Variants in SMARCB1 observed in about 807,000 individuals in gnomAD.
SMARCB1 encodes SWI/SNF related BAF chromatin remodeling complex subunit B1, also known as SWI/SNF-related matrix-associated actin-dependent regulator of chromatin subfamily B member 1.
Under a neutral mutation model 49.0 loss-of-function variants are expected in SMARCB1, and 5 were observed. The ratio of observed to expected loss-of-function variants is 0.10; its 90% CI spans 0.05 to 0.21. The LOEUF is 0.21. Among genes scored for constraint, SMARCB1 ranks in the 10% least tolerant of loss-of-function variants. SMARCB1 has a pLI of 1.00. For missense variants in SMARCB1, 226 were observed against 509.2 expected, an observed-to-expected ratio of 0.44 and a Z score of 5.35; for synonymous variants, 201 against 200.1, an observed-to-expected ratio of 1.00 and a Z score of -0.04.
rs571474765 is a variant in SMARCB1, at chr22:23,787,070, C to T, written c.-100C>T. On this transcript the variant is annotated 5_prime_UTR_variant, in exon 1 of 9. Transcript: ENST00000644036. Reference sequence around the variant, plus strand: ...GTACCCGGCCCGGTCCGCATTTCGCCTTCCGGCTTCGGTTTCCCTCGGCCC... The same window carrying T: ...GTACCCGGCCCGGTCCGCATTTCGCTTTCCGGCTTCGGTTTCCCTCGGCCC... 1.5e-5 allele frequency: 12 copies of T among 786,986 alleles called. No homozygotes were observed. In the East Asian group the frequency reaches 3.5e-4, roughly 23 times the overall value. 48.8% of individuals were successfully genotyped at this position (786,986 alleles called of 1,614,324 possible).
chr22:23,835,589 T>G lies in SMARCB1; in HGVS notation c.*1409T>G, dbSNP rs969128623. ...AGGGCCTCTGCCCTCCATCAAAGAG[T>G]GGAACTCCCCAGAGCCCCATGCACA... On this transcript the variant is annotated 3_prime_UTR_variant, in exon 9 of 9. Coordinates refer to ENST00000644036, the MANE Select transcript of SMARCB1 (RefSeq NM_003073.5). The G allele has an allele frequency of 4.4e-5, 43 of 985,254 alleles. No individual in the cohort carries two copies. In the African/African-American group the frequency reaches 7.0e-4, roughly 16 times the overall value. 61.0% of individuals were successfully genotyped at this position (985,254 alleles called of 1,614,324 possible).
In SMARCB1 at chr22:23,836,284, T is replaced by C. The variant is rs2031039352; in HGVS notation, c.*2104T>C. On this transcript the variant is annotated 3_prime_UTR_variant, in exon 9 of 9. Transcript: ENST00000644036. ...GGCTTTGGCATCACCAGATGAAAAA[T>C]GAGGCATACGCCCACCTGTCAGGGT... The C allele has an allele frequency of 1.0e-6, 1 of 985,242 alleles. No homozygotes were observed. The highest frequency in any genetic ancestry group is 1.2e-6 in the Non-Finnish European group (1 of 829,940). 61.0% of individuals were successfully genotyped at this position (985,242 alleles called of 1,614,324 possible).
intron 5 of SMARCB1, among the ~76,000 whole-genome samples, chr22:23,805,183 G>C (rs575996366): frequency 6.6e-6 from 1 of 152,182 alleles, no homozygotes; most frequent in Non-Finnish European, 1.5e-5. Flanking sequence ...GCCATGTGCC[G>C]GGTGCTTGTC....
At position 23,836,027 on chromosome 22, in the gene SMARCB1, A is replaced by G. The variant is rs531304611; in HGVS notation, c.*1847A>G. On this transcript the variant is annotated 3_prime_UTR_variant, in exon 9 of 9. Coordinates refer to ENST00000644036, the MANE Select transcript of SMARCB1 (RefSeq NM_003073.5). ...TGAGCATCCAGAAATAAACCACAACATGGACAGGCTTAGAACAACAAGGAA... is the reference window on the plus strand; with the variant it reads ...TGAGCATCCAGAAATAAACCACAACGTGGACAGGCTTAGAACAACAAGGAA... The G allele has an allele frequency of 6.1e-6, 6 of 985,494 alleles. No individual in the cohort carries two copies. The Admixed American group carries it at 1.8e-4, about 30-fold the overall frequency. The allele number at this position is 985,494 out of a possible 1,614,324, so 61.0% of individuals were successfully genotyped here. A position where few individuals can be genotyped will look rare whatever the true frequency, so the allele number is the denominator to read the frequency against.
At chr22:23,798,768 C>T (rs981008255) in intron 3 of SMARCB1, among the ~76,000 whole-genome samples, 6 of 151,930 alleles carry the variant, frequency 3.9e-5, no homozygotes, top group South Asian at 2.1e-4. Context: ...AAACGTTTGT[C>T]GGCCGGGCGC....
intron 2 of SMARCB1, 153 bp downstream of exon 2, chr22:23,792,047 G>T (rs1251455910): frequency 2.7e-6 from 2 of 734,722 alleles, no homozygotes; most frequent in Non-Finnish European, 4.7e-6. Context: ...AGCACTCCAG[G>T]CAAGGAAGTG....
Position 23,791,675 on chromosome 22 carries a change from C to T in SMARCB1, c.94-81C>T, listed in dbSNP as rs1018095419. ...CACCTCAAGGCCTGTTTGTCTGTTG[C>T]TTGATGCAGTCTGCGCCAGGACCCT... On this transcript the variant is annotated intron_variant, in intron 1 of 8. Coordinates refer to ENST00000644036, the MANE Select transcript of SMARCB1 (RefSeq NM_003073.5). The T allele has an allele frequency of 2.1e-6, 3 of 1,407,918 alleles. No individual in the cohort carries two copies. In the African/African-American group the frequency reaches 4.2e-5, roughly 20 times the overall value. The allele number at this position is 1,407,918 out of a possible 1,614,324, so 87.2% of individuals were successfully genotyped here.
intron 5 of SMARCB1, among the ~76,000 whole-genome samples, chr22:23,804,821 G>C (rs1233327187): frequency 6.6e-6 from 1 of 152,226 alleles, no homozygotes; most frequent in Non-Finnish European, 1.5e-5. Flanking sequence ...GATTACAGGC[G>C]TGAGCCACTG....
chr22:23,801,171 C>CT, intron 4 of SMARCB1, 90 bp downstream of exon 4: 1 of 1,583,714 alleles, frequency 6.3e-7, no homozygotes, highest in Non-Finnish European at 8.7e-7. Context: ...GAAAAACACT[C>CT]TGCTTTGACC....
chr22:23,787,481 C>T (rs1292531209), intron 1 of SMARCB1, among the ~76,000 whole-genome samples: 2 of 152,236 alleles, frequency 1.3e-5, no homozygotes, highest in Admixed American at 1.3e-4. Flanking sequence ...GGTCCGCCGC[C>T]TTCAGTGCTG....
Position 23,837,697 on chromosome 22 carries a change from GAGA to G in SMARCB1, c.*3520_*3522del, listed in dbSNP as rs745957559. The stretch of plus-strand genomic sequence containing the variant: ...GAGGATGGAGTTGCCCAGCAGCAGC[GAGA>G]AGCCCATGAGCGCCCAAGGCAGGAA... On this transcript the variant is annotated 3_prime_UTR_variant, in exon 9 of 9. Transcript: ENST00000644036. 8 of 1,613,870 alleles carry G rather than the reference GAGA, an allele frequency of 5.0e-6. 1 individual carries two copies. The South Asian group carries it at 8.8e-5, about 18-fold the overall frequency.
chr22:23,837,461 T>C lies in SMARCB1; in HGVS notation c.*3281T>C, dbSNP rs11703971. ...GACCGTGCAAGCATCAGTAGATCCG[T>C]CCTGACGATGCAAATTATGTGGGCC... On this transcript the variant is annotated 3_prime_UTR_variant, in exon 9 of 9. Coordinates refer to ENST00000644036, the MANE Select transcript of SMARCB1 (RefSeq NM_003073.5). The C allele has an allele frequency of 0.17, 111,810 of 670,144 alleles. 12,988 individuals are homozygous for C. The highest frequency in any genetic ancestry group is 0.46 in the African/African-American group (25,510 of 55,066). The allele number at this position is 670,144 out of a possible 1,614,324, so 41.5% of individuals were successfully genotyped here.
rs567112115 is a variant in SMARCB1 at position 23,829,565 on chromosome 22, A to T, written c.987-4007A>T. Among the ~76,000 whole-genome samples the T allele has an allele frequency of 2.0e-5, 3 of 152,184 alleles. No homozygotes were observed. The East Asian group carries it at 5.8e-4, about 29-fold the overall frequency. ...ACAGCATCAGGAATTAGGCTGGGGT[A>T]TGTCAGGTACACGTTGGGCTGGTTG... is the stretch of plus-strand genomic sequence containing the variant. On this transcript the variant is annotated intron_variant, in intron 7 of 8. Transcript: ENST00000644036.
In SMARCB1 at chr22:23,805,236, G is replaced by A. The variant is rs35337977; in HGVS notation, c.628+1814G>A. ...CAGCTGGTGAGGGGGGACGCCAGTG[G>A]GAGGAGACATGGGTGAGGGAGGACA... On this transcript the variant is annotated intron_variant, in intron 5 of 8. Transcript: ENST00000644036. Among the ~76,000 whole-genome samples, 7 of 152,292 alleles carry A rather than the reference G, an allele frequency of 4.6e-5. No homozygotes were observed. The East Asian group carries it at 1.4e-3, about 29-fold the overall frequency.
At chr22:23,816,648 G>A in intron 5 of SMARCB1, 122 bp from the exon 6 acceptor site, 1 of 936,580 alleles carries the variant, frequency 1.1e-6, no homozygotes, top group Non-Finnish European at 1.7e-6. Context: ...CACCCCCAGT[G>A]CCCTGGTTGT....
rs1158469190 is a variant in SMARCB1 at position 23,787,112 on chromosome 22, G to A, written c.-58G>A. 1.8e-6 allele frequency: 2 copies of A among 1,111,180 alleles called. No individual in the cohort carries two copies. The highest frequency in any genetic ancestry group is 1.7e-5 in the Admixed American group (1 of 57,268). The allele number at this position is 1,111,180 out of a possible 1,614,324, so 68.8% of individuals were successfully genotyped here. A position where few individuals can be genotyped will look rare whatever the true frequency, so the allele number is the denominator to read the frequency against. ...CCTCGGCCCAGCACGCCCCGGCCCC[G>A]CCCCAGCCCTCCTGATCCCTCGCAG... On this transcript the variant is annotated 5_prime_UTR_variant, in exon 1 of 9. Coordinates refer to ENST00000644036, the MANE Select transcript of SMARCB1 (RefSeq NM_003073.5).
intron 5 of SMARCB1, among the ~76,000 whole-genome samples, chr22:23,806,443 T>A (rs978408814): frequency 1.2e-4 from 19 of 152,352 alleles, no homozygotes; most frequent in African/African-American, 4.1e-4. Flanking sequence ...GGGTGGTATT[T>A]GGCATTTGTA....
At chr22:23,821,368 C>T (rs1277766532) in intron 6 of SMARCB1, among the ~76,000 whole-genome samples, 1 of 152,176 alleles carries the variant, frequency 6.6e-6, no homozygotes, top group South Asian at 2.1e-4. Context: ...GAAGGTCACA[C>T]CCAGGGTTTC....
chr22:23,824,542 CCCTGGG>C, intron 6 of SMARCB1: 25 of 151,844 alleles, frequency 1.6e-4, no homozygotes, highest in Admixed American at 6.5e-4. Context: ...AGGTGGGAGC[CCCTGGG>C]GTACAGTCTG....
Sources: allele counts gnomAD v4.1 joint callset (sites outside exome capture counted in the v4.1 genomes callset), GRCh38; gene constraint gnomAD v4.1.1; transcripts MANE v1.5; gene names NCBI Gene and HGNC (gene_info 2026-07-23, HGNC 2026-07-21).